Variants in EFHC2 observed in about 807,000 individuals in gnomAD.
EFHC2 encodes EF-hand domain-containing family member C2.
In EFHC2, 18 loss-of-function variants were observed where a neutral mutation model predicts 52.7. That is an observed-to-expected ratio of 0.34 (90% CI 0.24 to 0.51). The LOEUF (loss-of-function observed/expected upper bound fraction) is 0.51, where lower values mean the gene tolerates loss of function less well. Ranked by LOEUF, EFHC2 falls within the 20% of genes least tolerant of loss-of-function variation. The pLI, the probability that EFHC2 is intolerant of heterozygous loss-of-function variation, is 0.97. For synonymous variants in EFHC2, 203 were observed against 204.1 expected (o/e 0.99, Z 0.04); for missense variants, 513 against 562.5 (o/e 0.91, Z 0.89).
chrX:44,188,324 C>A (rs1461713220), intron 11 of EFHC2, among the ~76,000 whole-genome samples: 7 of 111,715 alleles, frequency 6.3e-5, no homozygotes, highest in Non-Finnish European at 1.3e-4. Context: ...AATGATGTCT[C>A]ATTTTAATCA....
intron 2 of EFHC2, among the ~76,000 whole-genome samples, chrX:44,308,784 A>C (rs1444493876): frequency 8.9e-6 from 1 of 112,927 alleles, no homozygotes; most frequent in Non-Finnish European, 1.9e-5. Flanking sequence ...CTTAGTCTAC[A>C]CAAGTTTAAC....
chrX:44,260,225 A>G (rs759606941), intron 4 of EFHC2, among the ~76,000 whole-genome samples: 3 of 111,481 alleles, frequency 2.7e-5, no homozygotes, highest in African/African-American at 9.8e-5. Context: ...TGTATTTGTT[A>G]AGACTCATCC....
At chrX:44,272,976 T>A in intron 2 of EFHC2, 140 bp from the exon 3 acceptor site, 1 of 471,074 alleles carries the variant, frequency 2.1e-6, no homozygotes, top group South Asian at 3.5e-5. Flanking sequence ...ATTCTACACA[T>A]CAGCCATGCG....
chrX:44,233,942 C>A (rs2037298498), intron 9 of EFHC2, among the ~76,000 whole-genome samples: 1 of 111,569 alleles, frequency 9.0e-6, no homozygotes, highest in Admixed American at 9.5e-5. Flanking sequence ...CAAGGACTCC[C>A]TGTCAACCTT....
intron 11 of EFHC2, among the ~76,000 whole-genome samples, chrX:44,185,311 G>A (rs1029313610): frequency 3.6e-5 from 4 of 111,843 alleles, no homozygotes; most frequent in Non-Finnish European, 7.5e-5. Context: ...AACTCCAGGT[G>A]TGCCTTCTTT....
At chrX:44,292,074 T>C (rs1215474273) in intron 2 of EFHC2, among the ~76,000 whole-genome samples, 1 of 111,617 alleles carries the variant, frequency 9.0e-6, no homozygotes, top group East Asian at 2.8e-4. Context: ...TCAAGAAAAC[T>C]GACATTCAAT....
chrX:44,217,127 C>T (rs1263177607), intron 11 of EFHC2, among the ~76,000 whole-genome samples: 2 of 111,879 alleles, frequency 1.8e-5, no homozygotes, highest in East Asian at 2.8e-4. Flanking sequence ...AGATGCTCAA[C>T]ATCATTGATC....
intron 2 of EFHC2, among the ~76,000 whole-genome samples, chrX:44,283,735 G>A (rs1464257987): frequency 9.6e-6 from 1 of 104,413 alleles, no homozygotes; most frequent in African/African-American, 3.6e-5. Flanking sequence ...AGACCATTTG[G>A]GACAGTCTTA....
At chrX:44,303,329 C>T (rs1303624446) in intron 2 of EFHC2, among the ~76,000 whole-genome samples, 1 of 111,427 alleles carries the variant, frequency 9.0e-6, no homozygotes, top group Non-Finnish European at 1.9e-5. Context: ...GTCAAACATC[C>T]CCCTCTCCTG....
At chrX:44,297,237 C>T (rs1164517922) in intron 2 of EFHC2, among the ~76,000 whole-genome samples, 1 of 111,551 alleles carries the variant, frequency 9.0e-6, no homozygotes, top group East Asian at 2.8e-4. Flanking sequence ...CTCAGTCTAA[C>T]TGAAAAGCCT....
At position 44,148,251 on chromosome X, in the gene EFHC2, G is replaced by GTGTC. The variant is rs2036538367; in HGVS notation, c.*543_*544insGACA. ...CGTGCGTGTGTGTGTGTGTGTGTGT[G>GTGTC]TGTGTTGGAGGTTCTTTTTCTTCCC... On this transcript the variant is annotated 3_prime_UTR_variant, in exon 15 of 15. Transcript: ENST00000420999. 8.9e-6 allele frequency: 1 copy of GTGTC among 112,011 alleles called. No homozygotes were observed. The highest frequency in any genetic ancestry group is 3.7e-4 in the South Asian group (1 of 2,681). The allele number at this position is 112,011 out of a possible 1,213,427, so 9.2% of individuals were successfully genotyped here.
At chrX:44,296,326 G>C (rs1247887043) in intron 2 of EFHC2, among the ~76,000 whole-genome samples, 1 of 111,720 alleles carries the variant, frequency 9.0e-6, no homozygotes, top group Non-Finnish European at 1.9e-5. Context: ...GACCAGAACT[G>C]AAAATAGTTT....
At chrX:44,164,726 G>T (rs747384494) in intron 13 of EFHC2, among the ~76,000 whole-genome samples, 97 of 111,641 alleles carry the variant, frequency 8.7e-4, no homozygotes, top group Middle Eastern at 4.7e-3. Flanking sequence ...TCTGATTTTT[G>T]ATTTTTCTTT....
chrX:44,286,965 G>A (rs2037753746), intron 2 of EFHC2, among the ~76,000 whole-genome samples: 1 of 95,159 alleles, frequency 1.1e-5, no homozygotes, highest in African/African-American at 4.1e-5. Flanking sequence ...GTCTCAGGCT[G>A]CAGTGAGCTA....
chrX:44,327,913 A>C (rs368692367), intron 1 of EFHC2, among the ~76,000 whole-genome samples: 1 of 112,419 alleles, frequency 8.9e-6, no homozygotes, highest in East Asian at 2.8e-4. Flanking sequence ...TATAACAATA[A>C]GATTGATTTT....
intron 12 of EFHC2, among the ~76,000 whole-genome samples, chrX:44,177,925 T>C (rs1212797850): frequency 9.3e-6 from 1 of 107,573 alleles, no homozygotes; most frequent in Non-Finnish European, 1.9e-5. Context: ...TCAACAAGAC[T>C]AGCCTGGCCA....
At chrX:44,175,117 G>C (rs1364803674) in intron 13 of EFHC2, among the ~76,000 whole-genome samples, 1 of 111,882 alleles carries the variant, frequency 8.9e-6, no homozygotes, top group Non-Finnish European at 1.9e-5. Context: ...CCCCACTATG[G>C]AGAAGGAGCT....
chrX:44,343,491 G>A, intron 1 of EFHC2, 56 bp downstream of exon 1: 1 of 1,161,275 alleles, frequency 8.6e-7, no homozygotes, highest in Non-Finnish European at 1.2e-6. Flanking sequence ...CCACGACCCT[G>A]CCTGGACCCC....
intron 13 of EFHC2, among the ~76,000 whole-genome samples, chrX:44,166,909 A>AT (rs1226922480): frequency 9.0e-6 from 1 of 111,460 alleles, no homozygotes; most frequent in Admixed American, 9.5e-5. Context: ...TCTCATCTGG[A>AT]TTATAGCAAT....
Sources: allele counts gnomAD v4.1 joint callset (sites outside exome capture counted in the v4.1 genomes callset), GRCh38; gene constraint gnomAD v4.1.1; transcripts MANE v1.5; gene names NCBI Gene and HGNC (gene_info 2026-07-23, HGNC 2026-07-21).